Variants in NINL observed in about 807,000 individuals in gnomAD.
NINL encodes the protein ninein-like protein.
In NINL, 153 loss-of-function variants were observed where a neutral mutation model predicts 160.3. That is an observed-to-expected ratio of 0.95 (90% CI 0.84 to 1.09). The LOEUF is 1.09. Ranked by LOEUF, NINL falls within the 50% of genes least tolerant of loss-of-function variation. NINL has a pLI of 0.00. For synonymous variants in NINL, 800 were observed against 734.8 expected, an observed-to-expected ratio of 1.09 and a Z score of -1.43; for missense variants, 1,829 against 1,764.0, an observed-to-expected ratio of 1.04 and a Z score of -0.66.
At chr20:25,475,974 G>A in intron 17 of NINL, 69 bp downstream of exon 17, 1 of 1,489,156 alleles carries the variant, frequency 6.7e-7, no homozygotes, top group Non-Finnish European at 9.2e-7. Flanking sequence ...ATTAGCAACA[G>A]GGGTCAGTGG....
chr20:25,569,771 A>G (rs992990527), intron 1 of NINL, among the ~76,000 whole-genome samples: 2 of 152,292 alleles, frequency 1.3e-5, no homozygotes, highest in South Asian at 4.2e-4. Context: ...GTCCTTCCTG[A>G]ATGCAGCAGG....
chr20:25,453,629 G>A lies in NINL; in HGVS notation c.3971C>T (p.Thr1324Met), dbSNP rs2090589307. The A allele has an allele frequency of 1.9e-6, 3 of 1,605,522 alleles. No individual in the cohort carries two copies. Among genetic ancestry groups the A allele is most frequent in the East Asian group, 2.2e-5 (1 of 44,648 alleles). ...CTCCTTCAGCAGCAGGTCGGACTTC[G>A]TGTTCTTTTCAAACTAGAGAGGGGA... is the stretch of plus-strand genomic sequence containing the variant. ...DKLKEQFEKNTKSDLLLKELY... is the reference protein window; with the variant it reads ...DKLKEQFEKNMKSDLLLKELY... Residue 1324 changes from threonine to methionine, a missense_variant, in exon 24 of 24, where the codon ACG becomes ATG. By Grantham distance (81) the Thr-to-Met change is moderately conservative (BLOSUM62 -1). Coordinates refer to ENST00000278886, the MANE Select transcript of NINL (RefSeq NM_025176.6).
chr20:25,563,611 A>G (rs1223536061), intron 1 of NINL, among the ~76,000 whole-genome samples: 1 of 152,254 alleles, frequency 6.6e-6, no homozygotes, highest in Non-Finnish European at 1.5e-5. Flanking sequence ...ATCAGACTGA[A>G]TGTTCTTTAA....
chr20:25,496,405 C>T (rs1227937392), intron 10 of NINL, among the ~76,000 whole-genome samples: 1 of 152,202 alleles, frequency 6.6e-6, no homozygotes, highest in Non-Finnish European at 1.5e-5. Context: ...CCCAGCAAAG[C>T]GAGGGCAGGA....
intron 1 of NINL, among the ~76,000 whole-genome samples, chr20:25,558,061 A>G (rs2064889739): frequency 6.6e-6 from 1 of 152,096 alleles, no homozygotes; most frequent in African/African-American, 2.4e-5. Flanking sequence ...GAATCACCTG[A>G]AGACAAGAGG....
intron 1 of NINL, among the ~76,000 whole-genome samples, chr20:25,561,846 C>A (rs1372841879): frequency 6.6e-6 from 1 of 152,032 alleles, no homozygotes; most frequent in Non-Finnish European, 1.5e-5. Context: ...GCTGCCACCC[C>A]GTCTGGGAAG....
intron 5 of NINL, among the ~76,000 whole-genome samples, chr20:25,507,454 G>A (rs571724223): frequency 2.5e-4 from 38 of 152,312 alleles, no homozygotes; most frequent in Admixed American, 5.9e-4. Flanking sequence ...AGCAGAAAGT[G>A]TCCATGGTGA....
chr20:25,494,401 G>A lies in NINL; in HGVS notation c.1310+2262C>T, dbSNP rs140566951. On this transcript the variant is annotated intron_variant, in intron 10 of 23. Coordinates refer to ENST00000278886, the MANE Select transcript of NINL (RefSeq NM_025176.6). ...GGCACCCCATGGGCCCCATGTACAC[G>A]TACTGCACCACCGCTGTACCCCACA... Among the ~76,000 whole-genome samples the A allele has an allele frequency of 5.3e-3, 803 of 151,258 alleles. 8 individuals are homozygous for A. The highest frequency in any genetic ancestry group is 0.019 in the African/African-American group (777 of 41,128).
intron 1 of NINL, among the ~76,000 whole-genome samples, chr20:25,542,698 A>G (rs1012574784): frequency 1.1e-4 from 1 of 9,390 alleles, no homozygotes; most frequent in Non-Finnish European, 3.7e-4. Flanking sequence ...TGCTTTCACT[A>G]AAAAAAAAAA....
At chr20:25,564,941 G>A (rs558007819) in intron 1 of NINL, among the ~76,000 whole-genome samples, 8 of 152,224 alleles carry the variant, frequency 5.3e-5, no homozygotes, top group South Asian at 4.2e-4. Context: ...AGCAAAAGCC[G>A]AGTAAGCCAA....
intron 1 of NINL, among the ~76,000 whole-genome samples, chr20:25,577,054 A>C (rs1157587685): frequency 6.6e-6 from 1 of 152,148 alleles, no homozygotes. Context: ...CAGGCCATTA[A>C]TGTAGATTGT....
chr20:25,512,661 A>T (rs2064092283), intron 4 of NINL, among the ~76,000 whole-genome samples, 173 bp downstream of exon 4: 1 of 152,188 alleles, frequency 6.6e-6, no homozygotes, highest in East Asian at 1.9e-4. Flanking sequence ...AACCAGACCC[A>T]ATTTAAATGA....
In NINL at chr20:25,453,329, C is replaced by T; in HGVS notation, c.*122G>A. 3.5e-6 allele frequency: 3 copies of T among 856,578 alleles called. No homozygotes were observed. The South Asian group carries it at 6.0e-5, about 17-fold the overall frequency. 53.1% of individuals were successfully genotyped at this position (856,578 alleles called of 1,614,324 possible). A position where few individuals can be genotyped will look rare whatever the true frequency, so the allele number is the denominator to read the frequency against. On this transcript the variant is annotated 3_prime_UTR_variant, in exon 24 of 24. Coordinates refer to ENST00000278886, the MANE Select transcript of NINL (RefSeq NM_025176.6). ...ATTCATTAACTATCTGCGGGGTGAA[C>T]AAAGAATCCCAATCCTCAGATGTCC... is the stretch of plus-strand genomic sequence containing the variant.
intron 2 of NINL, among the ~76,000 whole-genome samples, chr20:25,525,496 A>C (rs1190398940): frequency 6.6e-6 from 1 of 152,132 alleles, no homozygotes; most frequent in African/African-American, 2.4e-5. Context: ...TACAAAAAAA[A>C]TACAAAAATT....
intron 17 of NINL, among the ~76,000 whole-genome samples, chr20:25,473,879 T>A (rs1025278808): frequency 1.3e-5 from 2 of 151,764 alleles, no homozygotes; most frequent in East Asian, 1.9e-4. Flanking sequence ...AAAAAATAAA[T>A]AAATAAATAA....
At chr20:25,496,438 G>A (rs1178905884) in intron 10 of NINL, among the ~76,000 whole-genome samples, 1 of 152,220 alleles carries the variant, frequency 6.6e-6, no homozygotes, top group East Asian at 1.9e-4. Context: ...TCGGCCCATG[G>A]GGACGTAGCC....
chr20:25,467,892 A>C (rs963190321), intron 18 of NINL, among the ~76,000 whole-genome samples: 6 of 152,154 alleles, frequency 3.9e-5, no homozygotes, highest in African/African-American at 1.4e-4. Context: ...TCACAGACTC[A>C]AGAAAACCAG....
chr20:25,513,119 A>T, intron 3 of NINL, 113 bp from the exon 4 acceptor site: 8 of 1,015,924 alleles, frequency 7.9e-6, no homozygotes, highest in Non-Finnish European at 1.2e-5. Context: ...GTGCCCCTCA[A>T]ACACGTACTG....
chr20:25,455,909 A>G (rs546702277), intron 22 of NINL, 123 bp from the exon 23 acceptor site: 74 of 710,570 alleles, frequency 1.0e-4, no homozygotes, highest in African/African-American at 7.1e-4. Flanking sequence ...CCTGGCCAAC[A>G]TGGTGAAACC....
Sources: allele counts gnomAD v4.1 joint callset (sites outside exome capture counted in the v4.1 genomes callset), GRCh38; gene constraint gnomAD v4.1.1; transcripts MANE v1.5; gene names NCBI Gene and HGNC (gene_info 2026-07-23, HGNC 2026-07-21).